CCDC88A: variants seen among roughly 807,000 people sequenced by gnomAD.
CCDC88A encodes coiled-coil and HOOK domain protein 88A.
In CCDC88A, 54 loss-of-function variants were observed where a neutral mutation model predicts 234.3. That is an observed-to-expected ratio of 0.23 (90% confidence interval 0.19 to 0.29). The LOEUF is 0.29. Ranked by LOEUF, CCDC88A falls within the 10% of genes least tolerant of loss-of-function variation. The pLI is 1.00. For synonymous variants in CCDC88A, 753 were observed against 737.8 expected (o/e 1.02, Z -0.33); for missense variants, 1,832 against 2,123.4 (o/e 0.86, Z 2.70).
At chr2:55,303,272 T>G in intron 25 of CCDC88A, 120 bp from the exon 26 acceptor site, 2 of 697,470 alleles carry the variant, frequency 2.9e-6, no homozygotes, top group Non-Finnish European at 5.3e-6. Context: ...GTTTTAGCTA[T>G]GTATGCTATA....
At chr2:55,342,445 T>C (rs1668623234) in intron 12 of CCDC88A, among the ~76,000 whole-genome samples, 1 of 152,170 alleles carries the variant, frequency 6.6e-6, no homozygotes, top group Admixed American at 6.5e-5. Context: ...ATATCAACAA[T>C]TTAATCCTCA....
chr2:55,378,071 T>C (rs532826499), intron 3 of CCDC88A, among the ~76,000 whole-genome samples: 2 of 152,316 alleles, frequency 1.3e-5, no homozygotes, highest in South Asian at 4.1e-4. Flanking sequence ...TTTTACTGAC[T>C]TACTATGTAA....
intron 2 of CCDC88A, among the ~76,000 whole-genome samples, chr2:55,392,559 T>A (rs1311712663): frequency 6.6e-6 from 1 of 152,230 alleles, no homozygotes; most frequent in African/African-American, 2.4e-5. Context: ...CCTAGATGCT[T>A]ACAGTTTTTG....
Position 55,328,484 on chromosome 2 carries a change from AT to A in CCDC88A, c.2856-50del, listed in dbSNP as rs746407937. 4 of 1,309,610 alleles carry A rather than the reference AT, an allele frequency of 3.1e-6. No individual in the cohort carries two copies. Among genetic ancestry groups the A allele is most frequent in the Non-Finnish European group, 2.1e-6 (2 of 973,626 alleles). 81.1% of individuals were successfully genotyped at this position (1,309,610 alleles called of 1,614,324 possible). ...GTTCATTATTGGAGGTCAGAAAATTATTTTTAAAGATAATTTATGACCACAA... is the reference window on the plus strand; with the variant it reads ...GTTCATTATTGGAGGTCAGAAAATTATTTTAAAGATAATTTATGACCACAA... On this transcript the variant is annotated intron_variant, in intron 16 of 32. Transcript: ENST00000436346. This position sits in a 1 kb window ranked among gnomAD's most constrained non-coding sequence, Gnocchi z 4.3.
At chr2:55,378,686 T>C (rs1220039590) in intron 3 of CCDC88A, among the ~76,000 whole-genome samples, 2 of 152,084 alleles carry the variant, frequency 1.3e-5, no homozygotes, top group Non-Finnish European at 2.9e-5. Context: ...TATTCTAAAA[T>C]GTCTTATTGG....
At chr2:55,325,130 T>C (rs1169107928) in intron 17 of CCDC88A, among the ~76,000 whole-genome samples, 1 of 152,244 alleles carries the variant, frequency 6.6e-6, no homozygotes, top group Non-Finnish European at 1.5e-5. Flanking sequence ...ATTGGGATTA[T>C]GTTGAATCAA....
chr2:55,363,725 C>A, intron 6 of CCDC88A: 1 of 378,846 alleles, frequency 2.6e-6, no homozygotes, highest in Non-Finnish European at 4.7e-6. Context: ...ACACTTTCTG[C>A]CTATGTCACT....
At chr2:55,375,594 C>T (rs1470228744) in intron 3 of CCDC88A, among the ~76,000 whole-genome samples, 3 of 148,922 alleles carry the variant, frequency 2.0e-5, no homozygotes, top group Non-Finnish European at 4.4e-5. Context: ...GTGGTGTGAT[C>T]TTGACTCACT....
chr2:55,298,084 T>C (rs1202308515), intron 29 of CCDC88A, among the ~76,000 whole-genome samples: 1 of 152,188 alleles, frequency 6.6e-6, no homozygotes, highest in Non-Finnish European at 1.5e-5. Flanking sequence ...GAAAATTTGC[T>C]AGTTCTAGAA....
intron 5 of CCDC88A, among the ~76,000 whole-genome samples, chr2:55,366,784 C>G (rs1438277524): frequency 6.6e-6 from 1 of 151,958 alleles, no homozygotes; most frequent in African/African-American, 2.4e-5. Flanking sequence ...TATGGAAAAG[C>G]TATACTAAAA....
rs1447353921 is a variant in CCDC88A at position 55,295,342 on chromosome 2, A to C, written c.5551+255T>G. The C allele has an allele frequency of 2.6e-6, 4 of 1,512,370 alleles. No homozygotes were observed. In the African/African-American group the frequency reaches 5.5e-5, roughly 21 times the overall value. The allele number at this position is 1,512,370 out of a possible 1,614,324, so 93.7% of individuals were successfully genotyped here. A position where few individuals can be genotyped will look rare whatever the true frequency, so the allele number is the denominator to read the frequency against. The stretch of plus-strand genomic sequence containing the variant: ...CTAACTAATTCTGTATTCAGGGATA[A>C]GAATGGCTGAGATGAATGGGCCACA... On this transcript the variant is annotated intron_variant, in intron 31 of 32. Transcript: ENST00000436346.
intron 16 of CCDC88A, among the ~76,000 whole-genome samples, chr2:55,330,524 T>G (rs555962423): frequency 6.6e-6 from 1 of 152,156 alleles, no homozygotes; most frequent in South Asian, 2.1e-4. Flanking sequence ...GGGGCATCAT[T>G]TGAGACTGAT....
chr2:55,377,194 C>CTTTTTTTT (rs11443883), intron 3 of CCDC88A, among the ~76,000 whole-genome samples: 1 of 115,046 alleles, frequency 8.7e-6, no homozygotes, highest in African/African-American at 3.4e-5. Context: ...TCACTATAGA[C>CTTTTTTTT]TTTTTTTTTT....
chr2:55,322,725 G>GA (rs754316466), intron 17 of CCDC88A, 33 bp from the exon 18 acceptor site: 7 of 1,198,988 alleles, frequency 5.8e-6, no homozygotes, highest in African/African-American at 3.1e-5. Context: ...TTAATGGGGA[G>GA]AAAAAAATCA....
intron 2 of CCDC88A, among the ~76,000 whole-genome samples, chr2:55,409,996 C>T (rs1415436227): frequency 2.0e-5 from 3 of 152,140 alleles, no homozygotes; most frequent in Admixed American, 2.0e-4. Context: ...CCGCCTCAGC[C>T]TCCCAAAGTG....
At chr2:55,363,353 A>T (rs1166206476) in intron 6 of CCDC88A, among the ~76,000 whole-genome samples, 1 of 151,968 alleles carries the variant, frequency 6.6e-6, no homozygotes, top group Non-Finnish European at 1.5e-5. Context: ...GTAAAATTTA[A>T]CATACTAATT....
intron 2 of CCDC88A, among the ~76,000 whole-genome samples, chr2:55,416,425 C>CAAATAAAT (rs58743440): frequency 2.2e-5 from 1 of 44,676 alleles, no homozygotes; most frequent in South Asian, 9.9e-4. Flanking sequence ...GTGAAGAGGT[C>CAAATAAAT]AAATAAATAA....
Position 55,334,914 on chromosome 2 carries a change from T to C in CCDC88A, c.1907A>G (p.His636Arg), listed in dbSNP as rs373145547. The C allele has an allele frequency of 1.3e-6, 2 of 1,518,048 alleles. No homozygotes were observed. Among genetic ancestry groups the C allele is most frequent in the African/African-American group, 2.8e-5 (2 of 71,286 alleles). The allele number at this position is 1,518,048 out of a possible 1,614,324, so 94.0% of individuals were successfully genotyped here. Residue 636 changes from histidine to arginine, a missense_variant, in exon 15 of 33, where the codon CAT becomes CGT. Coordinates refer to ENST00000436346, the MANE Select transcript of CCDC88A (RefSeq NM_001365480.1). The surrounding 1 kb of genome is among the most constrained non-coding windows in gnomAD (Gnocchi z 6.1). ...TAATAATTCATTTTCTTTTTCAAGA[T>C]GATGCAATTCATTTTCAAGTTCTTC... ...RAEELENELH[H>R]LEKENELLQK...
At chr2:55,415,893 C>T (rs1681289977) in intron 2 of CCDC88A, among the ~76,000 whole-genome samples, 1 of 152,000 alleles carries the variant, frequency 6.6e-6, no homozygotes, top group Non-Finnish European at 1.5e-5. Flanking sequence ...TTTCAGGTAA[C>T]TTAATGCATC....
Sources: allele counts gnomAD v4.1 joint callset (sites outside exome capture counted in the v4.1 genomes callset), GRCh38; gene constraint gnomAD v4.1.1; non-coding constraint Gnocchi (gnomAD v3.1); transcripts MANE v1.5; gene names NCBI Gene and HGNC (gene_info 2026-07-23, HGNC 2026-07-21).